CAPN3: variants seen among roughly 807,000 people sequenced by gnomAD.
CAPN3 encodes calpain-3.
A neutral mutation model predicts 114.0 loss-of-function variants in CAPN3; 88 were observed. The ratio of observed to expected loss-of-function variants is 0.77; its 90% CI spans 0.65 to 0.92. The LOEUF is 0.92. CAPN3 is among the 40% of genes least tolerant of loss of function. The probability of loss-of-function intolerance (pLI) is 0.00; values close to 1 mark genes in which losing one functional copy is unlikely to be tolerated. For missense variants in CAPN3, 1,028 were observed against 1,069.0 expected, an observed-to-expected ratio of 0.96 and a Z score of 0.53; for synonymous variants, 386 against 382.9, an observed-to-expected ratio of 1.01 and a Z score of -0.09.
intron 1 of CAPN3, among the ~76,000 whole-genome samples, chr15:42,367,020 G>A (rs941104020): frequency 1.3e-5 from 2 of 151,712 alleles, no homozygotes; most frequent in Admixed American, 6.6e-5. Flanking sequence ...TTTTAGTAGA[G>A]ATGGGGTTTC....
intron 14 of CAPN3, chr15:42,404,664 T>G (rs1324340295): frequency 8.4e-7 from 1 of 1,188,192 alleles, no homozygotes; most frequent in African/African-American, 1.6e-5. Flanking sequence ...TGTGACTGCC[T>G]TGGGGCTTTG....
intron 12 of CAPN3, 58 bp from the exon 13 acceptor site, chr15:42,402,736 C>A (rs762861072): frequency 6.3e-7 from 1 of 1,586,702 alleles, no homozygotes. Context: ...GTGGCTGTGG[C>A]AGGACAGGAT....
intron 3 of CAPN3, among the ~76,000 whole-genome samples, chr15:42,387,065 G>C (rs2053426146): frequency 6.6e-6 from 1 of 152,042 alleles, no homozygotes. Context: ...TGCCGCCTTG[G>C]GAACATGGCA....
chr15:42,403,067 A>G, intron 13 of CAPN3, 65 bp downstream of exon 13: 1 of 1,361,974 alleles, frequency 7.3e-7, no homozygotes, highest in South Asian at 1.2e-5. Flanking sequence ...CAGAGGTTGA[A>G]GGCATGAGGC....
intron 1 of CAPN3, among the ~76,000 whole-genome samples, chr15:42,365,531 C>T (rs1186314778): frequency 6.6e-6 from 1 of 152,092 alleles, no homozygotes; most frequent in Non-Finnish European, 1.5e-5. Context: ...AGATCCAGTG[C>T]CTTCTCACTT....
At chr15:42,362,761 A>G (rs2052678321) in intron 1 of CAPN3, among the ~76,000 whole-genome samples, 1 of 152,268 alleles carries the variant, frequency 6.6e-6, no homozygotes, top group African/African-American at 2.4e-5. Context: ...TTGACTTGGA[A>G]CTGAAAAACT....
intron 1 of CAPN3, among the ~76,000 whole-genome samples, chr15:42,371,728 C>G (rs1441999189): frequency 6.6e-6 from 1 of 152,094 alleles, no homozygotes; most frequent in East Asian, 1.9e-4. Flanking sequence ...CTTTGGGAGG[C>G]CGAGATGGGC....
intron 1 of CAPN3, among the ~76,000 whole-genome samples, chr15:42,373,501 G>A (rs532094672): frequency 6.6e-6 from 1 of 152,234 alleles, no homozygotes; most frequent in Non-Finnish European, 1.5e-5. Flanking sequence ...TCAGCTCCCT[G>A]CTCTTACATT....
intron 1 of CAPN3, among the ~76,000 whole-genome samples, chr15:42,360,567 A>G (rs16973175): frequency 0.098 from 14,885 of 152,124 alleles, 858 homozygotes; most frequent in South Asian, 0.18. Flanking sequence ...TAATTTACCA[A>G]TGGCCATATC....
chr15:42,411,214 T>C (rs966043432), intron 22 of CAPN3, 73 bp from the exon 23 acceptor site: 4 of 1,305,216 alleles, frequency 3.1e-6, no homozygotes, highest in Non-Finnish European at 4.5e-6. Flanking sequence ...CACATGGTCC[T>C]CTGAGGGGAA....
chr15:42,407,698 G>A (rs1296558383), intron 15 of CAPN3, among the ~76,000 whole-genome samples: 1 of 152,184 alleles, frequency 6.6e-6, no homozygotes, highest in Non-Finnish European at 1.5e-5. Flanking sequence ...CTCACCCACT[G>A]ACCATGCCAC....
At chr15:42,405,350 A>T (rs1050219283) in intron 14 of CAPN3, among the ~76,000 whole-genome samples, 3 of 152,132 alleles carry the variant, frequency 2.0e-5, no homozygotes, top group Non-Finnish European at 4.4e-5. Flanking sequence ...CACTCTTGTC[A>T]CCCAGGCTGG....
intron 3 of CAPN3, among the ~76,000 whole-genome samples, 176 bp from the exon 4 acceptor site, chr15:42,387,577 G>A (rs1300522638): frequency 6.6e-6 from 1 of 152,184 alleles, no homozygotes; most frequent in Non-Finnish European, 1.5e-5. Flanking sequence ...ACCCAGTCCA[G>A]TTAGAGACAG....
rs762352510 is a variant in CAPN3 at position 42,409,398 on chromosome 15, C to T, written c.1992+18C>T. The stretch of plus-strand genomic sequence containing the variant: ...CAGGAGATGTGAGTACCTCCAAGCC[C>T]AGGACGCCCACAGGTGCTTCCTTCT... On this transcript the variant is annotated intron_variant, in intron 17 of 23. Transcript: ENST00000397163. 5.6e-6 allele frequency: 9 copies of T among 1,607,176 alleles called. No homozygotes were observed. The African/African-American group carries it at 1.1e-4, about 19-fold the overall frequency.
chr15:42,392,867 G>A, intron 7 of CAPN3, 145 bp downstream of exon 7: 1 of 641,166 alleles, frequency 1.6e-6, no homozygotes, highest in Middle Eastern at 4.2e-4. Context: ...CCACGCCTGG[G>A]AGCAGAGGGG....
At chr15:42,379,270 C>G (rs1280301651) in intron 1 of CAPN3, among the ~76,000 whole-genome samples, 1 of 151,910 alleles carries the variant, frequency 6.6e-6, no homozygotes, top group Non-Finnish European at 1.5e-5. Context: ...AAGATCGCAC[C>G]ACTGCACTCC....
intron 1 of CAPN3, among the ~76,000 whole-genome samples, chr15:42,372,538 G>A (rs2052978638): frequency 6.6e-6 from 1 of 151,730 alleles, no homozygotes; most frequent in Non-Finnish European, 1.5e-5. Context: ...TTTTTTTGTT[G>A]TTTTTTTTGA....
rs1478274123 is a variant in CAPN3 at position 42,368,654 on chromosome 15, G to T, written c.309+8540G>T. 2.0e-5 allele frequency among the ~76,000 whole-genome samples: 3 copies of T among 152,234 alleles called. No individual in the cohort carries two copies. In the East Asian group the frequency reaches 5.8e-4, roughly 29 times the overall value. On this transcript the variant is annotated intron_variant, in intron 1 of 23. Transcript: ENST00000397163. ...CAATGGTTCAGTATTTACTAATACA[G>T]TGTTCTCAGCGTTATTATAAAACAT...
intron 10 of CAPN3, 51 bp from the exon 11 acceptor site, chr15:42,401,590 C>T: frequency 6.4e-7 from 1 of 1,567,118 alleles, no homozygotes; most frequent in African/African-American, 1.4e-5. Flanking sequence ...CATCCCCTTC[C>T]TGCCCTCTGA....
Sources: gnomAD v4.1 joint callset for allele counts (sites outside exome capture counted in the v4.1 genomes callset) on GRCh38, gnomAD v4.1.1 for gene constraint, MANE v1.5 for transcripts, NCBI Gene and HGNC (gene_info 2026-07-23, HGNC 2026-07-21) for gene names.